The following DNAH12 variants were observed in gnomAD, a reference collection of about 807,000 sequenced individuals.
DNAH12 encodes the protein axonemal beta dynein heavy chain 12.
In DNAH12, 285 loss-of-function variants were observed where a neutral mutation model predicts 371.5. The observed-to-expected ratio is 0.77, with a 90% CI of 0.70 to 0.85. DNAH12 has a LOEUF of 0.85. Among genes scored for constraint, DNAH12 ranks in the 40% least tolerant of loss-of-function variants. The probability of loss-of-function intolerance (pLI) is 0.00; values close to 1 mark genes in which losing one functional copy is unlikely to be tolerated. For synonymous variants in DNAH12, 1,200 were observed against 1,213.0 expected (o/e 0.99, Z 0.22); for missense variants, 3,611 against 3,689.4 (o/e 0.98, Z 0.55).
At chr3:57,441,141 TA>T (rs2065292357) in intron 29 of DNAH12, among the ~76,000 whole-genome samples, 1 of 151,890 alleles carries the variant, frequency 6.6e-6, no homozygotes, top group African/African-American at 2.4e-5. Context: ...TTACAAAGTA[TA>T]AAAAGAATAG....
Position 57,322,362 on chromosome 3 carries a change from C to G in DNAH12, c.10505G>C (p.Gly3502Ala). Reference sequence around the variant, plus strand: ...TATTACCAGTTCCTTTCCACGGCATCCCTTGAAAAACTCAGGATCAGAAAC... The same window carrying G: ...TATTACCAGTTCCTTTCCACGGCATGCCTTGAAAAACTCAGGATCAGAAAC... Reference protein sequence around the residue: ...DPVSDPEFFKGCRGKELAWEK... With the variant: ...DPVSDPEFFKACRGKELAWEK... The change falls in exon 65 of 74, where the codon GGA (glycine) becomes GCA (alanine). Residue 3502 changes from glycine (G) to alanine (A), a missense_variant. Physicochemically the swap from Gly to Ala is moderately conservative, Grantham distance 60 (BLOSUM62 0). Transcript: ENST00000495027. 1 of 1,551,254 alleles carries G rather than the reference C, an allele frequency of 6.4e-7. No individual in the cohort carries two copies. The highest frequency in any genetic ancestry group is 8.7e-7 in the Non-Finnish European group (1 of 1,146,766).
chr3:57,489,515 T>C lies in DNAH12; in HGVS notation c.1508A>G (p.Asn503Ser), dbSNP rs2067042766. ...GGGAATTAATTCTACTTACCATTCATTTTCTTTTCTATATTTTGAAGCTAT... is the reference window on the plus strand; with the variant it reads ...GGGAATTAATTCTACTTACCATTCACTTTCTTTTCTATATTTTGAAGCTAT... ...NDIASKYRKE[N>S]ECICSEFEAI... The change falls in exon 12 of 74, where the codon AAT (asparagine) becomes AGT (serine). Residue 503 changes from asparagine (N) to serine (S), a missense_variant. By Grantham distance (46) the Asn-to-Ser change is conservative. Transcript: ENST00000495027. The C allele has an allele frequency of 6.6e-7, 1 of 1,509,336 alleles. No individual in the cohort carries two copies. The highest frequency in any genetic ancestry group is 8.8e-7 in the Non-Finnish European group (1 of 1,134,760). The allele number at this position is 1,509,336 out of a possible 1,614,324, so 93.5% of individuals were successfully genotyped here.
At chr3:57,475,349 A>G (rs1022074709) in intron 13 of DNAH12, among the ~76,000 whole-genome samples, 1 of 152,196 alleles carries the variant, frequency 6.6e-6, no homozygotes, top group African/African-American at 2.4e-5. Context: ...AGAAAGAGAG[A>G]GACAAAGAAA....
chr3:57,351,675 C>T (rs2062678555), intron 60 of DNAH12, among the ~76,000 whole-genome samples: 1 of 152,162 alleles, frequency 6.6e-6, no homozygotes, highest in African/African-American at 2.4e-5. Context: ...ATACATATTA[C>T]TTGCTTTCAT....
intron 13 of DNAH12, among the ~76,000 whole-genome samples, chr3:57,480,231 A>C (rs1452726111): frequency 1.3e-5 from 2 of 152,220 alleles, no homozygotes; most frequent in Non-Finnish European, 2.9e-5. Flanking sequence ...AAAAATGATA[A>C]AGGGGATGTC....
At position 57,433,450 on chromosome 3, in the gene DNAH12, C is replaced by G; in HGVS notation, c.4897G>C (p.Asp1633His). The change falls in exon 32 of 74, where the codon GAC becomes CAC. Residue 1633 changes from aspartate (D) to histidine (H), a missense_variant. Asp to His is a moderately conservative substitution (Grantham distance 81). Around this residue, in one of 3 missense-constraint regions of DNAH12, gnomAD observed 2,266 missense variants for 2,236.9 expected, o/e 1.01. Transcript: ENST00000495027. ...FREFALSETP[D>H]RKWVVFDGPI... ...CCATCAAATACAACCCATTTCCGGT[C>G]AGGTGTTTCTGATAAGGCAAATTCT... 1 of 1,551,492 alleles carries G rather than the reference C, an allele frequency of 6.4e-7. No homozygotes were observed. The highest frequency in any genetic ancestry group is 8.7e-7 in the Non-Finnish European group (1 of 1,146,920).
intron 59 of DNAH12, among the ~76,000 whole-genome samples, chr3:57,354,774 G>T (rs1387997087): frequency 6.6e-6 from 1 of 152,026 alleles, no homozygotes; most frequent in African/African-American, 2.4e-5. Context: ...TTCATGCTAT[G>T]AATTATTTCT....
At chr3:57,507,564 A>C in intron 8 of DNAH12, 79 bp downstream of exon 8, 1 of 994,808 alleles carries the variant, frequency 1.0e-6, no homozygotes, top group East Asian at 3.1e-5. Flanking sequence ...ACTTAGCACT[A>C]TGTTTACGTA....
intron 65 of DNAH12, among the ~76,000 whole-genome samples, chr3:57,321,614 T>G (rs1575446972): frequency 6.6e-6 from 1 of 152,162 alleles, no homozygotes; most frequent in East Asian, 1.9e-4. Flanking sequence ...GAAGTGAGCT[T>G]CTTACAGGGA....
At chr3:57,334,734 G>A (rs756249324) in intron 61 of DNAH12, 48 bp downstream of exon 61, 2 of 1,523,220 alleles carry the variant, frequency 1.3e-6, no homozygotes, top group South Asian at 1.3e-5. Flanking sequence ...TGAAGAACAA[G>A]TTTACATATT....
intron 12 of DNAH12, among the ~76,000 whole-genome samples, 153 bp downstream of exon 12, chr3:57,489,356 T>C (rs2067038630): frequency 6.6e-6 from 1 of 152,074 alleles, no homozygotes; most frequent in African/African-American, 2.4e-5. Flanking sequence ...TCCAGCCCAA[T>C]GGGACTACAA....
intron 45 of DNAH12, among the ~76,000 whole-genome samples, chr3:57,390,424 A>AAAAAAAAAAAAAAATATAT: frequency 2.1e-4 from 7 of 33,438 alleles, no homozygotes; most frequent in African/African-American, 4.4e-4. Context: ...AAAAAAAAAA[A>AAAAAAAAAAAAAAATATAT]ATATATATAT....
At chr3:57,540,239 CA>C (rs2069219205) in intron 2 of DNAH12, among the ~76,000 whole-genome samples, 1 of 151,278 alleles carries the variant, frequency 6.6e-6, no homozygotes, top group Non-Finnish European at 1.5e-5. Context: ...TTAGTAGAGA[CA>C]GGGTTTTGCC....
intron 49 of DNAH12, among the ~76,000 whole-genome samples, chr3:57,383,232 C>T (rs1413177818): frequency 6.6e-6 from 1 of 152,108 alleles, no homozygotes; most frequent in African/African-American, 2.4e-5. Flanking sequence ...TTATAAAATT[C>T]CCTGAAGAAT....
chr3:57,321,456 C>A (rs2061803866), intron 65 of DNAH12, among the ~76,000 whole-genome samples: 2 of 152,162 alleles, frequency 1.3e-5, no homozygotes, highest in South Asian at 4.1e-4. Context: ...AGTAATGTTT[C>A]ATGTGCCCAA....
At chr3:57,501,115 G>C (rs1321725227) in intron 11 of DNAH12, among the ~76,000 whole-genome samples, 1 of 152,090 alleles carries the variant, frequency 6.6e-6, no homozygotes, top group Non-Finnish European at 1.5e-5. Context: ...ATCTTGTTAG[G>C]TGTCTGAATG....
intron 13 of DNAH12, among the ~76,000 whole-genome samples, chr3:57,481,368 A>G (rs1381436510): frequency 3.3e-5 from 5 of 152,158 alleles, no homozygotes; most frequent in Middle Eastern, 3.2e-3. Flanking sequence ...TACAAGGGAC[A>G]TGAAGGACCT....
chr3:57,487,414 A>AAAAGAAAAAAAGAAAAAAAAGAAAAAG (rs2066970068), intron 12 of DNAH12, among the ~76,000 whole-genome samples: 1 of 146,220 alleles, frequency 6.8e-6, no homozygotes, highest in Non-Finnish European at 1.5e-5. Context: ...AAAAAAAAGA[A>AAAAGAAAAAAAGAAAAAAAAGAAAAAG]AAAGAAAGAA....
chr3:57,536,224 T>C (rs1017471009), intron 2 of DNAH12: 1 of 148,654 alleles, frequency 6.7e-6, no homozygotes, highest in African/African-American at 2.4e-5. Flanking sequence ...GCTATTCTAG[T>C]TTATCAGTGT....
Sources: gnomAD v4.1 joint callset for allele counts (sites outside exome capture counted in the v4.1 genomes callset) on GRCh38, gnomAD v4.1.1 for gene constraint, gnomAD v4.1.1 regional missense constraint, MANE v1.5 for transcripts, NCBI Gene and HGNC (gene_info 2026-07-23, HGNC 2026-07-21) for gene names.